CARMIL1: variants seen among roughly 807,000 people sequenced by gnomAD.
The protein encoded by CARMIL1 is F-actin-uncapping protein LRRC16A.
A neutral mutation model predicts 177.1 loss-of-function variants in CARMIL1; 90 were observed. That is an observed-to-expected ratio of 0.51 (90% CI 0.43 to 0.61). The LOEUF is 0.61. Among genes scored for constraint, CARMIL1 ranks in the 20% least tolerant of loss-of-function variants. The pLI, the probability that CARMIL1 is intolerant of heterozygous loss-of-function variation, is 0.00. For synonymous variants in CARMIL1, 577 were observed against 606.2 expected, an observed-to-expected ratio of 0.95 and a Z score of 0.71; for missense variants, 1,380 against 1,667.0, an observed-to-expected ratio of 0.83 and a Z score of 3.00.
chr6:25,322,067 A>G (rs1292365911), intron 2 of CARMIL1, among the ~76,000 whole-genome samples: 3 of 151,986 alleles, frequency 2.0e-5, no homozygotes, highest in Admixed American at 6.6e-5. Context: ...TAGCCGCGAT[A>G]TAGCACGTAC....
chr6:25,594,217 C>T (rs543841059), intron 31 of CARMIL1, among the ~76,000 whole-genome samples, 198 bp from the exon 32 acceptor site: 39 of 152,316 alleles, frequency 2.6e-4, no homozygotes, highest in South Asian at 6.2e-4. Context: ...TGGTGTTTAT[C>T]GTGCATCCCT....
Position 25,515,774 on chromosome 6 carries a change from A to G in CARMIL1, c.1732A>G (p.Ile578Val), listed in dbSNP as rs368014795. ...GSNTSLTKVD[I>V]SGNGMGDMGA... ...CAACACCTCCCTGACCAAAGTGGAC[A>G]TTAGCGGCAACGGAATGGGGGACAT... Residue 578 changes from isoleucine to valine, a missense_variant, in exon 21 of 37, where the codon ATT (isoleucine) becomes GTT (valine). Coordinates refer to ENST00000329474, the MANE Select transcript of CARMIL1 (RefSeq NM_017640.6). This position sits in a 1 kb window ranked among gnomAD's most constrained non-coding sequence, Gnocchi z 5.0. 59 of 1,612,160 alleles carry G rather than the reference A, an allele frequency of 3.7e-5. No individual in the cohort carries two copies. In the East Asian group the frequency reaches 4.0e-4, roughly 11 times the overall value.
chr6:25,366,524 T>C (rs1789824427), intron 2 of CARMIL1, among the ~76,000 whole-genome samples: 1 of 150,870 alleles, frequency 6.6e-6, no homozygotes, highest in Non-Finnish European at 1.5e-5. Flanking sequence ...GTCTTCGTTA[T>C]GTATCTATGC....
At chr6:25,287,650 T>C (rs1781622751) in intron 2 of CARMIL1, 1 of 152,274 alleles carries the variant, frequency 6.6e-6, no homozygotes, top group Non-Finnish European at 1.5e-5. Flanking sequence ...GTAGGCACTT[T>C]TTACATCTCC....
intron 11 of CARMIL1, among the ~76,000 whole-genome samples, chr6:25,480,459 GC>G (rs1172554272): frequency 6.6e-6 from 1 of 151,504 alleles, no homozygotes; most frequent in African/African-American, 2.4e-5. Flanking sequence ...TCTTATTGCA[GC>G]TACATCAGAT....
chr6:25,581,211 CTGTTTTTT>C lies in CARMIL1; in HGVS notation c.2810-16_2810-9del, dbSNP rs3830736. ...CTATGCATTAAGCTTTGGCCTTGGG[CTGTTTTTT>C]TGTTTTTTTGTTTTTAATTTTAGAA... On this transcript the variant is annotated intron_variant, in intron 30 of 36. Transcript: ENST00000329474. 5,733 of 1,591,376 alleles carry C rather than the reference CTGTTTTTT, an allele frequency of 3.6e-3. 87 individuals are homozygous for C. The East Asian group carries it at 0.041, about 11-fold the overall frequency.
chr6:25,459,463 G>A (rs1030623881), intron 8 of CARMIL1, among the ~76,000 whole-genome samples: 1 of 151,314 alleles, frequency 6.6e-6, no homozygotes, highest in African/African-American at 2.4e-5. Flanking sequence ...ATGTTGCCCA[G>A]CTGGTCATGA....
intron 3 of CARMIL1, among the ~76,000 whole-genome samples, chr6:25,423,696 G>C (rs1161964131): frequency 1.3e-5 from 2 of 152,114 alleles, no homozygotes; most frequent in African/African-American, 4.8e-5. Flanking sequence ...TTGTGGGATG[G>C]GCACTGTCTT....
At chr6:25,451,986 G>GCCAC in intron 8 of CARMIL1, 3 of 112,668 alleles carry the variant, frequency 2.7e-5, no homozygotes, top group South Asian at 1.4e-4. Flanking sequence ...CTAGCATCTT[G>GCCAC]CCCCCCCCTC....
At chr6:25,488,345 C>T (rs140242452) in intron 12 of CARMIL1, 137 bp from the exon 13 acceptor site, 1,066 of 703,826 alleles carry the variant, frequency 1.5e-3, no homozygotes, top group Non-Finnish European at 1.5e-3. Flanking sequence ...ACAATCATAG[C>T]GCCACCTTTC....
At chr6:25,552,445 A>T (rs1178343772) in intron 27 of CARMIL1, among the ~76,000 whole-genome samples, 1 of 152,174 alleles carries the variant, frequency 6.6e-6, no homozygotes, top group East Asian at 1.9e-4. Flanking sequence ...AATCAATTTT[A>T]TGTCCATTAA....
chr6:25,285,153 A>T (rs891100750), intron 2 of CARMIL1, among the ~76,000 whole-genome samples: 1 of 152,198 alleles, frequency 6.6e-6, no homozygotes, highest in African/African-American at 2.4e-5. Context: ...TGCTGCCTAT[A>T]TTTAGGTAAT....
At chr6:25,557,301 C>T (rs1170590671) in intron 29 of CARMIL1, among the ~76,000 whole-genome samples, 3 of 152,068 alleles carry the variant, frequency 2.0e-5, no homozygotes, top group African/African-American at 7.2e-5. Context: ...GTTTCGTTAA[C>T]CTGATTTGAT....
rs930149941 is a variant in CARMIL1 at position 25,445,217 on chromosome 6, G to C, written c.372-4681G>C. ...AGAAGCAACTTCTCATTTGTTAAAA[G>C]TTTTTTCGTGGATTACAACAATTCA... On this transcript the variant is annotated intron_variant, in intron 5 of 36. Coordinates refer to ENST00000329474, the MANE Select transcript of CARMIL1 (RefSeq NM_017640.6). Among the ~76,000 whole-genome samples the C allele has an allele frequency of 2.6e-5, 4 of 152,178 alleles. No homozygotes were observed. In the East Asian group the frequency reaches 7.7e-4, roughly 29 times the overall value.
In CARMIL1 at chr6:25,450,719, G is replaced by A; in HGVS notation, c.614+8G>A. The A allele has an allele frequency of 1.3e-6, 2 of 1,574,314 alleles. No individual in the cohort carries two copies. The highest frequency in any genetic ancestry group is 8.6e-7 in the Non-Finnish European group (1 of 1,156,570). On this transcript the variant is annotated splice_region_variant and intron_variant, in intron 8 of 36. Coordinates refer to ENST00000329474, the MANE Select transcript of CARMIL1 (RefSeq NM_017640.6). ...TAGTCATCTTGACCACAGGTAAGCT[G>A]CTTCCTTCCTTCTTTCCTCCTTTCC...
chr6:25,340,737 A>C (rs1786815553), intron 2 of CARMIL1, among the ~76,000 whole-genome samples: 1 of 150,896 alleles, frequency 6.6e-6, no homozygotes, highest in African/African-American at 2.4e-5. Context: ...TCAGTAGAAG[A>C]AACCTCACAA....
At chr6:25,478,657 G>A (rs1243263753) in intron 11 of CARMIL1, among the ~76,000 whole-genome samples, 2 of 152,064 alleles carry the variant, frequency 1.3e-5, no homozygotes, top group African/African-American at 4.8e-5. Context: ...TTAGCCGAGC[G>A]TGGTGGCACG....
intron 2 of CARMIL1, among the ~76,000 whole-genome samples, chr6:25,394,396 C>A (rs1793170731): frequency 6.6e-6 from 1 of 152,212 alleles, no homozygotes; most frequent in Non-Finnish European, 1.5e-5. Flanking sequence ...GTTAAATCAT[C>A]TACCCAATAT....
In CARMIL1 at chr6:25,610,190, T is replaced by A; in HGVS notation, c.3979+9T>A. ...GACATTTTCACAGGAAGGTAAGGAT[T>A]GTAAGGATTTCTTTTCTCTGGGTTA... is the stretch of plus-strand genomic sequence containing the variant. On this transcript the variant is annotated intron_variant, in intron 36 of 36. Coordinates refer to ENST00000329474, the MANE Select transcript of CARMIL1 (RefSeq NM_017640.6). 6.2e-7 allele frequency: 1 copy of A among 1,608,608 alleles called. No individual in the cohort carries two copies. Among genetic ancestry groups the A allele is most frequent in the South Asian group, 1.1e-5 (1 of 90,008 alleles).
Sources: allele counts gnomAD v4.1 joint callset (sites outside exome capture counted in the v4.1 genomes callset), GRCh38; gene constraint gnomAD v4.1.1; non-coding constraint Gnocchi (gnomAD v3.1); transcripts MANE v1.5; gene names NCBI Gene and HGNC (gene_info 2026-07-23, HGNC 2026-07-21).